The following METTL3 variants were observed in gnomAD, a reference collection of about 807,000 sequenced individuals.
METTL3 encodes the protein N(6)-adenosine-methyltransferase catalytic subunit METTL3.
Under a neutral mutation model 64.3 loss-of-function variants are expected in METTL3, and 42 were observed. The ratio of observed to expected loss-of-function variants is 0.65; its 90% CI spans 0.51 to 0.84. The LOEUF is 0.84. Ranked by LOEUF, METTL3 falls within the 40% of genes least tolerant of loss-of-function variation. The pLI, the probability that METTL3 is intolerant of heterozygous loss-of-function variation, is 0.00. For missense variants in METTL3, 435 were observed against 722.3 expected (o/e 0.60, Z 4.56); for synonymous variants, 256 against 263.6 (o/e 0.97, Z 0.28).
intron 4 of METTL3, chr14:21,501,434 A>G: frequency 1.8e-6 from 1 of 549,672 alleles, no homozygotes; most frequent in Non-Finnish European, 3.2e-6. Context: ...TTTTCTCCTA[A>G]GATTATCCTC....
Position 21,511,314 on chromosome 14 carries a change from G to A in METTL3, c.-91C>T. On this transcript the variant is annotated 5_prime_UTR_variant, in exon 1 of 11. Transcript: ENST00000298717. ...TCCAGGATATAGCCAATTCTCACGC[G>A]GACACCCCGAAGGCTAACCGGAAAA... The A allele has an allele frequency of 1.3e-6, 2 of 1,501,290 alleles. No individual in the cohort carries two copies. 93.0% of individuals were successfully genotyped at this position (1,501,290 alleles called of 1,614,324 possible).
intron 10 of METTL3, chr14:21,498,807 C>T: frequency 1.8e-6 from 1 of 543,326 alleles, no homozygotes; most frequent in Non-Finnish European, 3.3e-6. Context: ...AGAGTAGAAA[C>T]CCTAGGGAGC....
rs1348790143 is a variant in METTL3, at chr14:21,498,348, C to T, written c.1653G>A (p.Leu551=). The change falls in exon 11 of 11, where the codon CTG becomes CTA. Residue 551 remains leucine, a synonymous_variant. Coordinates refer to ENST00000298717, the MANE Select transcript of METTL3 (RefSeq NM_019852.5). ...CTGGGTCTAGTAGGTGGATCCCATC[C>T]AGTTGGTTTCCAAGGGTGATCCTGA... ...QPNWITLGNQ[L]DGIHLLDPDV... 5.6e-6 allele frequency: 9 copies of T among 1,613,984 alleles called. No homozygotes were observed. The highest frequency in any genetic ancestry group is 1.3e-5 in the African/African-American group (1 of 74,912).
chr14:21,499,157 T>C lies in METTL3; in HGVS notation c.1519-20A>G, dbSNP rs1188390859. The C allele has an allele frequency of 1.2e-6, 2 of 1,603,578 alleles. No homozygotes were observed. On this transcript the variant is annotated intron_variant, in intron 9 of 10. Transcript: ENST00000298717. ...ACGAACCTAGGAAATAAAAACTAGC[T>C]GCTTTTTAAGTTACACAAGATTGCA...
intron 3 of METTL3, chr14:21,502,905 T>C (rs1321427484): frequency 5.5e-6 from 2 of 364,792 alleles, no homozygotes; most frequent in East Asian, 4.1e-5. Flanking sequence ...AGACAACTGT[T>C]TGTTGTGGGG....
rs1594436474 is a variant in METTL3, at chr14:21,498,481, A to G, written c.1632-112T>C. The G allele has an allele frequency of 1.2e-5, 12 of 973,144 alleles. No homozygotes were observed. In the East Asian group the frequency reaches 3.0e-4, roughly 24 times the overall value. 60.3% of individuals were successfully genotyped at this position (973,144 alleles called of 1,614,324 possible). ...TGCCTATCATCATATCAAATATGCC[A>G]ATTCTAAAAAGAGCTTAACATTAGA... On this transcript the variant is annotated intron_variant, in intron 10 of 10. Transcript: ENST00000298717.
chr14:21,505,747 GTATT>G (rs1196076400), intron 1 of METTL3, among the ~76,000 whole-genome samples: 1 of 152,112 alleles, frequency 6.6e-6, no homozygotes, highest in Non-Finnish European at 1.5e-5. Flanking sequence ...CCTTCATAAG[GTATT>G]TATTCATTTA....
intron 7 of METTL3, 46 bp from the exon 8 acceptor site, chr14:21,499,646 G>A (rs760807140): frequency 3.1e-6 from 5 of 1,589,098 alleles, no homozygotes; most frequent in Admixed American, 1.7e-5. Flanking sequence ...AACTTTTACA[G>A]TTTAGGGGTA....
intron 1 of METTL3, among the ~76,000 whole-genome samples, chr14:21,506,106 ATTTT>A (rs984099422): frequency 0.013 from 2,004 of 152,058 alleles, 30 homozygotes; most frequent in African/African-American, 0.046. Flanking sequence ...CAAAATAAAG[ATTTT>A]TTTAAGTAAT....
chr14:21,501,260 T>G lies in METTL3; in HGVS notation c.900-131A>C, dbSNP rs972183189. Reference sequence around the variant, plus strand: ...CTATCATTAGAGCTTCCTTCAAGAGTTTTAAGGGAGGCAGGTAGCATGGAA... The same window carrying G: ...CTATCATTAGAGCTTCCTTCAAGAGGTTTAAGGGAGGCAGGTAGCATGGAA... On this transcript the variant is annotated intron_variant, in intron 4 of 10. Transcript: ENST00000298717. 41 of 690,044 alleles carry G rather than the reference T, an allele frequency of 5.9e-5. No individual in the cohort carries two copies. The South Asian group carries it at 7.8e-4, about 13-fold the overall frequency. The allele number at this position is 690,044 out of a possible 1,614,324, so 42.7% of individuals were successfully genotyped here.
At chr14:21,501,543 G>T in intron 4 of METTL3, 185 bp downstream of exon 4, 2 of 721,652 alleles carry the variant, frequency 2.8e-6, no homozygotes, top group Non-Finnish European at 4.5e-6. Flanking sequence ...CAGTTATTTG[G>T]GAGTACAGCC....
rs1566490267 is a variant in METTL3 at position 21,499,354 on chromosome 14, A to T, written c.1470T>A (p.Asn490Lys). Residue 490 changes from asparagine (N) to lysine (K), a missense_variant, in exon 9 of 11, where the codon AAT becomes AAA. Physicochemically the swap from Asn to Lys is moderately conservative, Grantham distance 94. This residue lies in a region of METTL3 where 38 missense variants were observed against 102.3 expected (regional missense o/e 0.37). Coordinates refer to ENST00000298717, the MANE Select transcript of METTL3 (RefSeq NM_019852.5). ...KEHCLVGVKG[N>K]PQGFNQGLDC... The stretch of plus-strand genomic sequence containing the variant: ...CCAGACCCTGGTTGAAGCCTTGGGG[A>T]TTTCCTTTGACACCAACCTGCTCAC... 1.2e-6 allele frequency: 2 copies of T among 1,614,136 alleles called. No homozygotes were observed. The highest frequency in any genetic ancestry group is 1.7e-6 in the Non-Finnish European group (2 of 1,180,032).
chr14:21,503,636 G>A, intron 2 of METTL3, 28 bp downstream of exon 2: 1 of 1,613,950 alleles, frequency 6.2e-7, no homozygotes, highest in Non-Finnish European at 8.5e-7. Flanking sequence ...AAAATAAGTG[G>A]TAAATCCTAA....
intron 6 of METTL3, 59 bp from the exon 7 acceptor site, chr14:21,499,861 T>C (rs576743051): frequency 5.3e-6 from 8 of 1,519,418 alleles, no homozygotes; most frequent in Non-Finnish European, 7.3e-6. Context: ...CCCTTCAAAA[T>C]ATGTGATGTG....
intron 1 of METTL3, among the ~76,000 whole-genome samples, chr14:21,508,656 A>T (rs1192842132): frequency 6.6e-6 from 1 of 152,198 alleles, no homozygotes; most frequent in South Asian, 2.1e-4. Context: ...GCACTTTGGG[A>T]AACTGAGGCG....
intron 1 of METTL3, chr14:21,508,326 G>A (rs1891748403): frequency 6.6e-6 from 1 of 151,626 alleles, no homozygotes; most frequent in Non-Finnish European, 1.5e-5. Context: ...CAAATCAAGA[G>A]ATATTCACAT....
rs1386850392 is a variant in METTL3 at position 21,503,570 on chromosome 14, G to A, written c.326C>T (p.Ala109Val). 1 of 1,612,858 alleles carries A rather than the reference G, an allele frequency of 6.2e-7. No individual in the cohort carries two copies. Among genetic ancestry groups the A allele is most frequent in the Non-Finnish European group, 8.5e-7 (1 of 1,179,598 alleles). The change falls in exon 3 of 11, where the codon GCT (alanine) becomes GTT (valine). Residue 109 changes from alanine to valine, a missense_variant. Physicochemically the swap from Ala to Val is moderately conservative, Grantham distance 64. Transcript: ENST00000298717. ...TTCTACCCCATCTTGAGTGGCAGGA[G>A]CATCTGGCTAGAGAACGAGGGGAGG... ...SICLAISTPDAPATQDGVESL... is the reference protein window; with the variant it reads ...SICLAISTPDVPATQDGVESL...
chr14:21,508,218 A>T (rs1399547915), intron 1 of METTL3: 6 of 152,126 alleles, frequency 3.9e-5, no homozygotes, highest in African/African-American at 1.4e-4. Context: ...AGCTGTGTTC[A>T]CGCCACTGAA....
At position 21,503,554 on chromosome 14, in the gene METTL3, ATCT is replaced by A; in HGVS notation, c.339_341del (p.Gln113_Asp114delinsHis). The A allele has an allele frequency of 6.2e-7, 1 of 1,612,812 alleles. No homozygotes were observed. The highest frequency in any genetic ancestry group is 8.5e-7 in the Non-Finnish European group (1 of 1,179,786). On this transcript the variant is annotated inframe_deletion, in exon 3 of 11. Transcript: ENST00000298717. ...ACTTCTGCAGGAGGCTTTCTACCCC[ATCT>A]TGAGTGGCAGGAGCATCTGGCTAGA...
Sources: gnomAD v4.1 joint callset for allele counts (sites outside exome capture counted in the v4.1 genomes callset) on GRCh38, gnomAD v4.1.1 for gene constraint, gnomAD v4.1.1 regional missense constraint, MANE v1.5 for transcripts, NCBI Gene and HGNC (gene_info 2026-07-23, HGNC 2026-07-21) for gene names.